Variants in HAT1 observed in about 807,000 individuals in gnomAD.
The protein encoded by HAT1 is histone acetyltransferase 1.
HAT1 carries 20 observed loss-of-function variants against 56.6 expected under a neutral mutation model. The ratio of observed to expected loss-of-function variants is 0.35; its 90% CI spans 0.25 to 0.51. The LOEUF (loss-of-function observed/expected upper bound fraction) is 0.51. HAT1 is among the 20% of genes least tolerant of loss of function. The probability of loss-of-function intolerance (pLI) is 0.95; values close to 1 mark genes in which losing one functional copy is unlikely to be tolerated. For synonymous variants in HAT1, 146 were observed against 165.5 expected, an observed-to-expected ratio of 0.88 and a Z score of 0.91; for missense variants, 408 against 504.3, an observed-to-expected ratio of 0.81 and a Z score of 1.83.
At chr2:171,969,073 T>C (rs990208860) in intron 8 of HAT1, among the ~76,000 whole-genome samples, 1 of 152,226 alleles carries the variant, frequency 6.6e-6, no homozygotes, top group African/African-American at 2.4e-5. Flanking sequence ...CAATTCCTTG[T>C]ATACCATCTG....
intron 4 of HAT1, among the ~76,000 whole-genome samples, chr2:171,957,404 A>G (rs1434422800): frequency 2.0e-5 from 3 of 152,132 alleles, no homozygotes; most frequent in African/African-American, 7.2e-5. Context: ...GAGATTCTAT[A>G]ACTGTTGTCC....
chr2:171,925,583 G>A lies in HAT1; in HGVS notation c.54G>A (p.Val18=), dbSNP rs1207714516. The change falls in exon 2 of 11, where the codon GTG becomes GTA. Residue 18 remains valine (V), a synonymous_variant. Coordinates refer to ENST00000264108, the MANE Select transcript of HAT1 (RefSeq NM_003642.4). ...TTTTGGTAGAATATAAGAGTGCAGT[G>A]GAGAAGAAACTGGCAGAGTACAAAT... The part of the protein sequence containing the change: ...EKFLVEYKSA[V]EKKLAEYKCN... 5 of 1,585,240 alleles carry A rather than the reference G, an allele frequency of 3.2e-6. No homozygotes were observed. The African/African-American group carries it at 4.0e-5, about 13-fold the overall frequency.
chr2:171,977,158 GCGAGAC>G (rs997569634), intron 9 of HAT1, among the ~76,000 whole-genome samples: 1 of 147,590 alleles, frequency 6.8e-6, no homozygotes, highest in Non-Finnish European at 1.5e-5. Flanking sequence ...GGGCGACCGA[GCGAGAC>G]TCCATCTCAA....
intron 2 of HAT1, among the ~76,000 whole-genome samples, chr2:171,943,477 C>T (rs1309193083): frequency 7.2e-6 from 1 of 138,834 alleles, no homozygotes. Context: ...TCTGCTTTTT[C>T]AAGTCTTAAC....
intron 1 of HAT1, chr2:171,922,753 C>A: frequency 5.1e-6 from 2 of 395,900 alleles, no homozygotes; most frequent in Non-Finnish European, 4.5e-6. Flanking sequence ...TACCGAGGGC[C>A]GAAGACGCCA....
chr2:171,935,797 G>A (rs1312557466), intron 2 of HAT1, among the ~76,000 whole-genome samples: 1 of 151,800 alleles, frequency 6.6e-6, no homozygotes, highest in Non-Finnish European at 1.5e-5. Flanking sequence ...GATCACCTGA[G>A]CCTGGGAGGT....
chr2:171,935,148 A>G (rs1301353517), intron 2 of HAT1, among the ~76,000 whole-genome samples: 1 of 152,054 alleles, frequency 6.6e-6, no homozygotes, highest in Non-Finnish European at 1.5e-5. Flanking sequence ...TTGATGGACC[A>G]TGGAATTCTG....
intron 2 of HAT1, among the ~76,000 whole-genome samples, chr2:171,933,550 T>C (rs1351235094): frequency 6.6e-6 from 1 of 152,094 alleles, no homozygotes; most frequent in Non-Finnish European, 1.5e-5. Flanking sequence ...AAAAAAAAAT[T>C]TACCTCTAAA....
chr2:171,980,322 A>G (rs2105349842), intron 10 of HAT1: 1 of 152,176 alleles, frequency 6.6e-6, no homozygotes, highest in Admixed American at 6.5e-5. Context: ...ATACATATAT[A>G]TTCTCTTTGC....
intron 10 of HAT1, 126 bp from the exon 11 acceptor site, chr2:171,983,059 A>C (rs1432814424): frequency 3.9e-5 from 21 of 543,426 alleles, no homozygotes; most frequent in Non-Finnish European, 6.4e-6. Flanking sequence ...CAAAAAAAAA[A>C]CATTGTGGGA....
At chr2:171,934,227 A>AG (rs1050524090) in intron 2 of HAT1, among the ~76,000 whole-genome samples, 3 of 152,242 alleles carry the variant, frequency 2.0e-5, no homozygotes, top group African/African-American at 7.2e-5. Flanking sequence ...AAGAAATAAC[A>AG]GCATGTTTAT....
At chr2:171,931,749 T>C (rs1337117835) in intron 2 of HAT1, among the ~76,000 whole-genome samples, 1 of 152,226 alleles carries the variant, frequency 6.6e-6, no homozygotes, top group East Asian at 1.9e-4. Flanking sequence ...TCAGCCAATC[T>C]CATGTTGATC....
chr2:171,976,371 C>A, intron 9 of HAT1, 63 bp downstream of exon 9: 2 of 885,344 alleles, frequency 2.3e-6, no homozygotes, highest in South Asian at 2.4e-5. Flanking sequence ...AAGTGTATAC[C>A]TTAACTAAAA....
intron 8 of HAT1, 99 bp downstream of exon 8, chr2:171,967,048 C>A: frequency 1.6e-6 from 1 of 631,330 alleles, no homozygotes; most frequent in South Asian, 2.0e-5. Flanking sequence ...TAAACAGCAA[C>A]ATTTTCCTAG....
intron 2 of HAT1, among the ~76,000 whole-genome samples, chr2:171,930,717 C>T (rs13003245): frequency 1.2e-3 from 185 of 152,120 alleles, no homozygotes; most frequent in Admixed American, 2.1e-3. Flanking sequence ...CAGGCTCAAG[C>T]GAACCTCCCA....
chr2:171,960,578 C>T (rs1348143526), intron 4 of HAT1, among the ~76,000 whole-genome samples: 2 of 152,074 alleles, frequency 1.3e-5, no homozygotes, highest in Admixed American at 1.3e-4. Flanking sequence ...CTAGTTGCAC[C>T]TAAAATTCTT....
intron 8 of HAT1, 83 bp downstream of exon 8, chr2:171,967,032 C>A (rs1456366601): frequency 6.0e-6 from 4 of 667,626 alleles, no homozygotes; most frequent in Non-Finnish European, 1.1e-5. Context: ...TCAGAAATAA[C>A]TATTTTAAAC....
intron 2 of HAT1, among the ~76,000 whole-genome samples, chr2:171,930,973 T>C (rs911961744): frequency 6.6e-6 from 1 of 152,124 alleles, no homozygotes; most frequent in African/African-American, 2.4e-5. Flanking sequence ...AAACATTACC[T>C]GTTAATGAAG....
chr2:171,946,262 T>A (rs1321071254), intron 2 of HAT1, among the ~76,000 whole-genome samples: 1 of 152,216 alleles, frequency 6.6e-6, no homozygotes, highest in Non-Finnish European at 1.5e-5. Context: ...GAGAACAACA[T>A]AAATGTCATC....
Sources: allele counts gnomAD v4.1 joint callset (sites outside exome capture counted in the v4.1 genomes callset), GRCh38; gene constraint gnomAD v4.1.1; transcripts MANE v1.5; gene names NCBI Gene and HGNC (gene_info 2026-07-23, HGNC 2026-07-21).